The following CENPU variants were observed in gnomAD, a reference collection of about 807,000 sequenced individuals.
The protein encoded by CENPU is KSHV latent nuclear antigen interacting protein 1.
In CENPU, 46 loss-of-function variants were observed where a neutral mutation model predicts 56.7. The observed-to-expected ratio is 0.81, with a 90% CI of 0.64 to 1.04. CENPU has a LOEUF of 1.04. Ranked by LOEUF, CENPU falls within the 50% of genes least tolerant of loss-of-function variation. The probability of loss-of-function intolerance (pLI) is 0.00; values close to 1 mark genes in which losing one functional copy is unlikely to be tolerated. For missense variants in CENPU, 510 were observed against 490.1 expected (o/e 1.04, Z -0.38); for synonymous variants, 166 against 163.0 (o/e 1.02, Z -0.14).
intron 10 of CENPU, among the ~76,000 whole-genome samples, chr4:184,701,140 G>A (rs1760520614): frequency 6.6e-6 from 1 of 152,166 alleles, no homozygotes; most frequent in Admixed American, 6.5e-5. Context: ...AAGGAAAGCA[G>A]GGGCCAGGTC....
At chr4:184,698,109 T>C (rs1188641412) in intron 11 of CENPU, 5 of 249,416 alleles carry the variant, frequency 2.0e-5, no homozygotes, top group Non-Finnish European at 3.8e-5. Context: ...GTATGCCTGG[T>C]TGACATTCAG....
chr4:184,707,841 A>C (rs1760779520), intron 8 of CENPU, among the ~76,000 whole-genome samples: 1 of 152,236 alleles, frequency 6.6e-6, no homozygotes, highest in African/African-American at 2.4e-5. Context: ...GTATTTTAGA[A>C]TAGCTGATCC....
At chr4:184,708,204 T>C (rs28432855) in intron 8 of CENPU, among the ~76,000 whole-genome samples, 26,750 of 123,730 alleles carry the variant, frequency 0.22, 2,827 homozygotes, top group Middle Eastern at 0.36. Flanking sequence ...GCCTGGGTGA[T>C]AGAGTGAGAC....
chr4:184,733,313 G>A (rs1327746771), intron 1 of CENPU: 3 of 986,098 alleles, frequency 3.0e-6, no homozygotes, highest in Non-Finnish European at 3.6e-6. Flanking sequence ...CCTCCAGGCA[G>A]CCTTCCCAGG....
chr4:184,727,038 C>G (rs1256002197), intron 3 of CENPU, among the ~76,000 whole-genome samples: 1 of 147,816 alleles, frequency 6.8e-6, no homozygotes, highest in Non-Finnish European at 1.5e-5. Context: ...ATTGCTTGAA[C>G]CCAGGAGGTG....
intron 8 of CENPU, among the ~76,000 whole-genome samples, chr4:184,707,812 G>A (rs78927641): frequency 1.2e-3 from 182 of 152,282 alleles, no homozygotes; most frequent in African/African-American, 4.0e-3. Context: ...TATTATATCC[G>A]AAACCTTACC....
intron 3 of CENPU, among the ~76,000 whole-genome samples, chr4:184,726,196 A>G (rs939729895): frequency 2.6e-5 from 4 of 152,138 alleles, no homozygotes; most frequent in African/African-American, 9.7e-5. Context: ...ACAAGGGGGG[A>G]AAAAAGAAAT....
At position 184,696,181 on chromosome 4, in the gene CENPU, G is replaced by C. The variant is rs147328107; in HGVS notation, c.1144-780C>G. 7.9e-5 allele frequency among the ~76,000 whole-genome samples: 12 copies of C among 152,258 alleles called. No individual in the cohort carries two copies. In the East Asian group the frequency reaches 2.3e-3, roughly 29 times the overall value. Reference sequence around the variant, plus strand: ...TGTGACTACCACACACATGATAATGGAATTTTATACAAATATTTGACAAAC... The same window carrying C: ...TGTGACTACCACACACATGATAATGCAATTTTATACAAATATTTGACAAAC... On this transcript the variant is annotated intron_variant, in intron 12 of 12. Transcript: ENST00000281453.
intron 5 of CENPU, 81 bp downstream of exon 5, chr4:184,717,055 A>G: frequency 1.1e-6 from 1 of 891,220 alleles, no homozygotes; most frequent in South Asian, 1.6e-5. Context: ...GAAATGAAAT[A>G]TTTTACAGAA....
chr4:184,728,223 G>A (rs1761523298), intron 3 of CENPU, among the ~76,000 whole-genome samples: 1 of 152,094 alleles, frequency 6.6e-6, no homozygotes, highest in South Asian at 2.1e-4. Flanking sequence ...TTTTTATCAA[G>A]TCATAATAAA....
intron 8 of CENPU, among the ~76,000 whole-genome samples, chr4:184,708,035 C>T (rs1277614298): frequency 2.0e-5 from 3 of 151,736 alleles, no homozygotes; most frequent in South Asian, 2.1e-4. Flanking sequence ...GCAGACTGGC[C>T]GACATAGTGA....
intron 2 of CENPU, 70 bp from the exon 3 acceptor site, chr4:184,729,105 G>A: frequency 8.5e-7 from 1 of 1,171,010 alleles, no homozygotes; most frequent in Non-Finnish European, 1.3e-6. Flanking sequence ...TATACAGCAA[G>A]AATATTCTTG....
At chr4:184,714,725 A>G (rs1761032466) in intron 6 of CENPU, among the ~76,000 whole-genome samples, 1 of 152,256 alleles carries the variant, frequency 6.6e-6, no homozygotes, top group Non-Finnish European at 1.5e-5. Flanking sequence ...AACTAATGCA[A>G]AATGAGTTCT....
intron 11 of CENPU, among the ~76,000 whole-genome samples, chr4:184,699,040 G>A (rs965300597): frequency 2.6e-5 from 4 of 151,968 alleles, no homozygotes; most frequent in African/African-American, 4.8e-5. Flanking sequence ...TTTAAAACAC[G>A]TCTCAGGCTG....
chr4:184,720,322 G>A (rs755308262), intron 4 of CENPU, among the ~76,000 whole-genome samples: 1 of 151,896 alleles, frequency 6.6e-6, no homozygotes, highest in Non-Finnish European at 1.5e-5. Context: ...CAGGCTATTT[G>A]AAAATACAGT....
intron 8 of CENPU, among the ~76,000 whole-genome samples, chr4:184,708,177 C>T (rs1174996792): frequency 1.5e-5 from 2 of 135,748 alleles, no homozygotes; most frequent in Non-Finnish European, 3.1e-5. Flanking sequence ...GGACTGAGAT[C>T]GCGCTACGGC....
At chr4:184,701,834 TTC>T (rs1415875173) in intron 10 of CENPU, among the ~76,000 whole-genome samples, 1 of 152,220 alleles carries the variant, frequency 6.6e-6, no homozygotes, top group African/African-American at 2.4e-5. Flanking sequence ...AGGCTTAAAT[TTC>T]TGTCTTTAAT....
chr4:184,706,524 ATTCTAAGAGTTTG>A (rs1429529361), intron 8 of CENPU, among the ~76,000 whole-genome samples: 1 of 152,250 alleles, frequency 6.6e-6, no homozygotes, highest in Non-Finnish European at 1.5e-5. Flanking sequence ...GCTATAGAAT[ATTCTAAGAGTTTG>A]TAATGTTGCA....
chr4:184,708,934 C>T (rs1350679998), intron 8 of CENPU, among the ~76,000 whole-genome samples: 1 of 151,848 alleles, frequency 6.6e-6, no homozygotes. Context: ...ATTCTATCTA[C>T]CTTAATTTAG....
Sources: allele counts gnomAD v4.1 joint callset (sites outside exome capture counted in the v4.1 genomes callset), GRCh38; gene constraint gnomAD v4.1.1; transcripts MANE v1.5; gene names NCBI Gene and HGNC (gene_info 2026-07-23, HGNC 2026-07-21).